TRIO: variants seen among roughly 807,000 people sequenced by gnomAD.
TRIO encodes trio Rho guanine nucleotide exchange factor.
A neutral mutation model predicts 351.9 loss-of-function variants in TRIO; 58 were observed. The observed-to-expected ratio is 0.16, with a 90% CI of 0.13 to 0.21. TRIO has a LOEUF of 0.21. TRIO is among the 10% of genes least tolerant of loss of function. The pLI is 1.00. For synonymous variants in TRIO, 1,758 were observed against 1,595.7 expected, an observed-to-expected ratio of 1.10 and a Z score of -2.42; for missense variants, 3,201 against 4,027.8, an observed-to-expected ratio of 0.79 and a Z score of 5.56.
intron 34 of TRIO, among the ~76,000 whole-genome samples, chr5:14,421,579 G>A (rs1041777155): frequency 6.7e-6 from 1 of 149,596 alleles, no homozygotes; most frequent in African/African-American, 2.5e-5. Flanking sequence ...ACTCCAGCCT[G>A]GGCAACAGAG....
At chr5:14,388,333 A>G (rs1042016995) in intron 23 of TRIO, among the ~76,000 whole-genome samples, 1 of 152,216 alleles carries the variant, frequency 6.6e-6, no homozygotes, top group African/African-American at 2.4e-5. Flanking sequence ...TCTCCAGTGC[A>G]GAGGGCAGCC....
chr5:14,359,999 CTCTCTCTCTCCACCT>C (rs912221761), intron 13 of TRIO, among the ~76,000 whole-genome samples: 8 of 151,996 alleles, frequency 5.3e-5, no homozygotes, highest in Admixed American at 2.6e-4. Flanking sequence ...CTCCCCTTTT[CTCTCTCTCTCCACCT>C]TCTCTCTCTC....
intron 1 of TRIO, 118 bp from the exon 2 acceptor site, chr5:14,270,707 C>T: frequency 1.3e-6 from 1 of 747,934 alleles, no homozygotes; most frequent in Non-Finnish European, 2.3e-6. Context: ...GATCATGTTT[C>T]TTAAGTTGAT....
chr5:14,345,641 A>T (rs77329238), intron 11 of TRIO, among the ~76,000 whole-genome samples: 5,188 of 152,110 alleles, frequency 0.034, 323 homozygotes, highest in African/African-American at 0.12. Flanking sequence ...GCTCACTGCA[A>T]CCTCTGTCTC....
intron 34 of TRIO, among the ~76,000 whole-genome samples, chr5:14,425,338 C>G (rs1459880118): frequency 6.6e-6 from 1 of 152,150 alleles, no homozygotes; most frequent in African/African-American, 2.4e-5. Context: ...CCTTTTGGGA[C>G]TGTTTATTTC....
chr5:14,458,835 C>T (rs969136929), intron 34 of TRIO, among the ~76,000 whole-genome samples: 3 of 152,182 alleles, frequency 2.0e-5, no homozygotes, highest in African/African-American at 4.8e-5. Context: ...TAAATCAGCA[C>T]CTGAGAAAGT....
intron 27 of TRIO, among the ~76,000 whole-genome samples, chr5:14,392,608 A>G (rs1421373947): frequency 2.0e-5 from 3 of 152,240 alleles, no homozygotes; most frequent in Non-Finnish European, 2.9e-5. Flanking sequence ...AAATCATTCT[A>G]CTATAAAGAC....
chr5:14,220,796 C>T (rs1425834571), intron 1 of TRIO, among the ~76,000 whole-genome samples: 1 of 152,296 alleles, frequency 6.6e-6, no homozygotes, highest in South Asian at 2.1e-4. Flanking sequence ...GAGGTTAAAT[C>T]CTGAGATTGA....
chr5:14,413,466 G>T (rs750780981), intron 33 of TRIO, among the ~76,000 whole-genome samples: 1 of 152,262 alleles, frequency 6.6e-6, no homozygotes, highest in Non-Finnish European at 1.5e-5. Flanking sequence ...CAGCGCACAA[G>T]AATGAATGAA....
At chr5:14,148,944 T>A (rs1165687728) in intron 1 of TRIO, among the ~76,000 whole-genome samples, 3 of 152,206 alleles carry the variant, frequency 2.0e-5, no homozygotes, top group African/African-American at 7.2e-5. Context: ...TTCGTCCTAT[T>A]CCAGTTCTGC....
At chr5:14,498,472 C>T (rs766848396) in intron 52 of TRIO, 47 bp from the exon 53 acceptor site, 8 of 1,594,404 alleles carry the variant, frequency 5.0e-6, no homozygotes, top group African/African-American at 2.7e-5. Context: ...CTGATGGCCA[C>T]GTGCTCAGCT....
intron 34 of TRIO, among the ~76,000 whole-genome samples, chr5:14,438,419 T>G (rs559989295): frequency 2.0e-5 from 3 of 152,250 alleles, no homozygotes; most frequent in Non-Finnish European, 4.4e-5. Context: ...GTCCCCTTTC[T>G]CAAGCCTTTC....
chr5:14,435,617 TTC>T (rs1751520443), intron 34 of TRIO, among the ~76,000 whole-genome samples: 1 of 152,256 alleles, frequency 6.6e-6, no homozygotes, highest in Non-Finnish European at 1.5e-5. Flanking sequence ...TCCTCATTCC[TTC>T]TGAATTTATC....
At chr5:14,188,672 C>T (rs1790276964) in intron 1 of TRIO, among the ~76,000 whole-genome samples, 1 of 152,140 alleles carries the variant, frequency 6.6e-6, no homozygotes. Context: ...TGTAAAAGAC[C>T]AGGAGAAAGA....
chr5:14,482,222 G>A (rs1487979343), intron 45 of TRIO, among the ~76,000 whole-genome samples: 1 of 152,092 alleles, frequency 6.6e-6, no homozygotes, highest in Non-Finnish European at 1.5e-5. Context: ...CACACACAGA[G>A]GCCGTTGGAG....
chr5:14,487,519 C>T lies in TRIO; in HGVS notation c.6891C>T (p.Gly2297=), dbSNP rs757391618. The T allele has an allele frequency of 7.6e-6, 7 of 919,314 alleles. No homozygotes were observed. In the African/African-American group the frequency reaches 9.0e-5, roughly 12 times the overall value. 56.9% of individuals were successfully genotyped at this position (919,314 alleles called of 1,614,324 possible). Residue 2297 remains glycine, a synonymous_variant, in exon 48 of 57, where the codon GGC becomes GGT. Coordinates refer to ENST00000344204, the MANE Select transcript of TRIO (RefSeq NM_007118.4). ...QRNHSGGGGG[G]GSGGSGGGGG... ...ACCACAGCGGGGGCGGCGGCGGCGG[C>T]GGCAGCGGGGGCAGCGGCGGGGGTG... is the stretch of plus-strand genomic sequence containing the variant.
Position 14,454,065 on chromosome 5 carries a change from G to T in TRIO, c.5204-6954G>T, listed in dbSNP as rs150364652. ...CTGCCTCAGCTTCCCGAGTAGCTGG[G>T]ACTACAGGCATGCGACACGATGCCA... is the stretch of plus-strand genomic sequence containing the variant. On this transcript the variant is annotated intron_variant, in intron 34 of 56. Coordinates refer to ENST00000344204, the MANE Select transcript of TRIO (RefSeq NM_007118.4). Among the ~76,000 whole-genome samples the T allele has an allele frequency of 7.9e-3, 1,207 of 152,186 alleles. 10 individuals are homozygous for T. The highest frequency in any genetic ancestry group is 0.027 in the African/African-American group (1,142 of 41,528).
In TRIO at chr5:14,313,500, C is replaced by T. The variant is rs556069647; in HGVS notation, c.1501-3013C>T. Among the ~76,000 whole-genome samples, 5 of 152,294 alleles carry T rather than the reference C, an allele frequency of 3.3e-5. No individual in the cohort carries two copies. The East Asian group carries it at 9.6e-4, about 29-fold the overall frequency. Reference sequence around the variant, plus strand: ...CACAGGGATGAGTTTTGGAAACTTGCTGAGGGCTGGGAACTCATCTTGTCC... The same window carrying T: ...CACAGGGATGAGTTTTGGAAACTTGTTGAGGGCTGGGAACTCATCTTGTCC... On this transcript the variant is annotated intron_variant, in intron 8 of 56. Coordinates refer to ENST00000344204, the MANE Select transcript of TRIO (RefSeq NM_007118.4).
chr5:14,222,164 A>G (rs1183381070), intron 1 of TRIO, among the ~76,000 whole-genome samples: 1 of 151,212 alleles, frequency 6.6e-6, no homozygotes, highest in Non-Finnish European at 1.5e-5. Flanking sequence ...TTTAGCAATA[A>G]AGTATTTTTA....
Sources: gnomAD v4.1 joint callset for allele counts (sites outside exome capture counted in the v4.1 genomes callset) on GRCh38, gnomAD v4.1.1 for gene constraint, MANE v1.5 for transcripts, NCBI Gene and HGNC (gene_info 2026-07-23, HGNC 2026-07-21) for gene names.